AOPEP: variants seen among roughly 807,000 people sequenced by gnomAD.
The protein encoded by AOPEP is aminopeptidase O (putative), also known as aminopeptidase O.
AOPEP carries 77 observed loss-of-function variants against 98.1 expected under a neutral mutation model. The observed-to-expected ratio is 0.78, with a 90% CI of 0.65 to 0.95. AOPEP has a LOEUF of 0.95. AOPEP is among the 40% of genes least tolerant of loss of function. AOPEP has a pLI of 0.00. For synonymous variants in AOPEP, 346 were observed against 365.3 expected, an observed-to-expected ratio of 0.95 and a Z score of 0.60; for missense variants, 1,024 against 1,024.7, an observed-to-expected ratio of 1.00 and a Z score of 0.01.
chr9:94,840,712 G>T (rs1385798917), intron 5 of AOPEP, among the ~76,000 whole-genome samples: 1 of 151,786 alleles, frequency 6.6e-6, no homozygotes, highest in East Asian at 1.9e-4. Context: ...TTTCATCCTG[G>T]GAGAGTTTTG....
intron 14 of AOPEP, among the ~76,000 whole-genome samples, chr9:95,061,487 C>CA (rs1421259481): frequency 1.3e-5 from 2 of 152,186 alleles, no homozygotes; most frequent in African/African-American, 4.8e-5. Flanking sequence ...ACTGTGCAGT[C>CA]TAGTACAGCA....
At chr9:95,125,418 T>C in the AOPEP span, among the ~76,000 whole-genome samples, 51 of 152,340 alleles carry the variant, frequency 3.3e-4, no homozygotes, top group South Asian at 2.5e-3. Context: ...TCTTAAATTA[T>C]TAAGCAATGC....
At chr9:94,829,713 G>A (rs1375683397) in intron 5 of AOPEP, among the ~76,000 whole-genome samples, 1 of 151,502 alleles carries the variant, frequency 6.6e-6, no homozygotes, top group African/African-American at 2.5e-5. Flanking sequence ...CCACATGTCA[G>A]ATATGTTAAC....
At chr9:94,910,342 G>T (rs1389338089) in intron 5 of AOPEP, among the ~76,000 whole-genome samples, 1 of 152,174 alleles carries the variant, frequency 6.6e-6, no homozygotes, top group South Asian at 2.1e-4. Context: ...AGCACCTGTG[G>T]CAGACTGGTC....
chr9:95,137,551 TC>T, the AOPEP span, among the ~76,000 whole-genome samples: 1 of 152,152 alleles, frequency 6.6e-6, no homozygotes, highest in African/African-American at 2.4e-5. Context: ...ACATGCCATT[TC>T]CTCAGATGAA....
At chr9:95,010,487 T>C (rs941755208) in intron 13 of AOPEP, among the ~76,000 whole-genome samples, 5 of 152,174 alleles carry the variant, frequency 3.3e-5, no homozygotes, top group Non-Finnish European at 7.3e-5. Flanking sequence ...TTTCAGCAAA[T>C]AGTAGGCTTA....
intron 7 of AOPEP, among the ~76,000 whole-genome samples, chr9:94,949,199 A>G (rs1470308563): frequency 6.6e-6 from 1 of 152,182 alleles, no homozygotes; most frequent in Non-Finnish European, 1.5e-5. Context: ...TTCTCAGAGG[A>G]ATTTCTGATA....
chr9:95,106,969 A>G, the AOPEP span: 2 of 1,187,996 alleles, frequency 1.7e-6, no homozygotes, highest in Admixed American at 1.9e-5. Flanking sequence ...GCATCCTGGT[A>G]CACACACTGT....
At chr9:94,855,186 T>C (rs2044025463) in intron 5 of AOPEP, among the ~76,000 whole-genome samples, 1 of 152,104 alleles carries the variant, frequency 6.6e-6, no homozygotes, top group Non-Finnish European at 1.5e-5. Context: ...CAAGCGATTC[T>C]CCTACCTCAG....
At chr9:94,859,894 T>TTA (rs1365066919) in intron 5 of AOPEP, among the ~76,000 whole-genome samples, 1 of 152,214 alleles carries the variant, frequency 6.6e-6, no homozygotes, top group Non-Finnish European at 1.5e-5. Context: ...AGACACTTAT[T>TTA]TAGGGCGTCC....
At chr9:94,786,569 G>A (rs536737863) in intron 3 of AOPEP, among the ~76,000 whole-genome samples, 2 of 152,298 alleles carry the variant, frequency 1.3e-5, no homozygotes, top group East Asian at 1.9e-4. Flanking sequence ...ATAAGGTTAG[G>A]TGTTGTTCCC....
chr9:95,004,096 G>A (rs2061742605), intron 11 of AOPEP: 1 of 386,716 alleles, frequency 2.6e-6, no homozygotes, highest in Admixed American at 3.2e-5. Flanking sequence ...TAAAGAGAGG[G>A]CAAGACAGAT....
intron 5 of AOPEP, among the ~76,000 whole-genome samples, chr9:94,852,515 C>T (rs1042056452): frequency 7.9e-5 from 12 of 152,206 alleles, no homozygotes. Context: ...TTTGAATTGA[C>T]AGTGGGATCG....
chr9:95,042,313 AAAATAAATAAAT>A (rs71366272), intron 13 of AOPEP, among the ~76,000 whole-genome samples: 5 of 145,500 alleles, frequency 3.4e-5, no homozygotes, highest in African/African-American at 5.0e-5. Context: ...CTCTGTCTCA[AAAATAAATAAAT>A]AAATAAATAA....
chr9:94,812,513 C>T (rs760871996), intron 5 of AOPEP, among the ~76,000 whole-genome samples: 80 of 152,214 alleles, frequency 5.3e-4, no homozygotes, highest in Middle Eastern at 3.4e-3. Flanking sequence ...TTATTACTTA[C>T]CTTTGGCACA....
At chr9:94,989,033 G>A (rs900337011) in intron 11 of AOPEP, among the ~76,000 whole-genome samples, 4 of 151,350 alleles carry the variant, frequency 2.6e-5, no homozygotes, top group Non-Finnish European at 4.4e-5. Context: ...CTCAGCGGGG[G>A]CAAACTCTCA....
intron 1 of AOPEP, among the ~76,000 whole-genome samples, chr9:94,751,959 C>T (rs1835899312): frequency 6.9e-6 from 1 of 144,498 alleles, no homozygotes; most frequent in Non-Finnish European, 1.5e-5. Context: ...GTGACACAAT[C>T]ACGACTCACT....
chr9:94,808,704 C>A (rs1849798185), intron 5 of AOPEP, among the ~76,000 whole-genome samples: 1 of 152,242 alleles, frequency 6.6e-6, no homozygotes, highest in Non-Finnish European at 1.5e-5. Context: ...AAATGGAAAT[C>A]TTGGAACTTC....
chr9:95,051,391 C>CT (rs887454269), intron 13 of AOPEP, among the ~76,000 whole-genome samples: 35 of 145,582 alleles, frequency 2.4e-4, no homozygotes, highest in South Asian at 4.4e-4. Flanking sequence ...CCCAGCCATA[C>CT]TTTTTTTTTT....
Sources: allele counts gnomAD v4.1 joint callset (sites outside exome capture counted in the v4.1 genomes callset), GRCh38; gene constraint gnomAD v4.1.1; transcripts MANE v1.5; gene names NCBI Gene and HGNC (gene_info 2026-07-23, HGNC 2026-07-21).